TANC1: variants seen among roughly 807,000 people sequenced by gnomAD.
TANC1 encodes the protein tetratricopeptide repeat, ankyrin repeat and coiled-coil containing 1.
In TANC1, 77 loss-of-function variants were observed where a neutral mutation model predicts 149.7. That is an observed-to-expected ratio of 0.51 (90% CI 0.43 to 0.62). TANC1 has a LOEUF of 0.62. TANC1 is among the 20% of genes least tolerant of loss of function. The pLI, the probability that TANC1 is intolerant of heterozygous loss-of-function variation, is 0.00. For synonymous variants in TANC1, 854 were observed against 925.0 expected, an observed-to-expected ratio of 0.92 and a Z score of 1.39; for missense variants, 1,985 against 2,321.8, an observed-to-expected ratio of 0.85 and a Z score of 2.98.
intron 2 of TANC1, among the ~76,000 whole-genome samples, chr2:159,037,290 A>C (rs565352451): frequency 6.6e-6 from 1 of 152,060 alleles, no homozygotes; most frequent in African/African-American, 2.4e-5. Context: ...GATTGCAAAA[A>C]TTTTCTCCCA....
At chr2:159,033,863 C>T (rs2039974494) in intron 2 of TANC1, among the ~76,000 whole-genome samples, 3 of 152,216 alleles carry the variant, frequency 2.0e-5, no homozygotes, top group African/African-American at 7.2e-5. Context: ...CTCTGTTCTT[C>T]AGGCACTGTG....
At chr2:159,014,271 G>A (rs1357007019) in intron 2 of TANC1, among the ~76,000 whole-genome samples, 5 of 152,136 alleles carry the variant, frequency 3.3e-5, no homozygotes, top group African/African-American at 7.2e-5. Context: ...AGCAAGTCAC[G>A]TCTTATGTGA....
At chr2:159,020,557 G>T (rs564060091) in intron 2 of TANC1, among the ~76,000 whole-genome samples, 1 of 152,058 alleles carries the variant, frequency 6.6e-6, no homozygotes, top group South Asian at 2.1e-4. Context: ...CAGCATTTAT[G>T]ACATACTTAC....
intron 16 of TANC1, among the ~76,000 whole-genome samples, chr2:159,192,393 CCCT>C (rs1461661796): frequency 6.6e-6 from 1 of 152,106 alleles, no homozygotes; most frequent in Non-Finnish European, 1.5e-5. Context: ...AAGCAGTCCT[CCCT>C]CCTCAGCCTC....
At position 159,172,227 on chromosome 2, in the gene TANC1, A is replaced by G; in HGVS notation, c.1458A>G (p.Glu486=). ...CACCTCTTGGGTCTATCAGTGCTGA[A>G]AACCAGAGACCAAGAGAGGATGCAG... ...AKTPLGSISA[E]NQRPREDAVK... is the part of the protein sequence containing the mutation. Residue 486 remains glutamate (E), a synonymous_variant, in exon 11 of 27, where the codon GAA becomes GAG. Coordinates refer to ENST00000263635, the MANE Select transcript of TANC1 (RefSeq NM_033394.3). The G allele has an allele frequency of 1.2e-6, 2 of 1,614,208 alleles. No individual in the cohort carries two copies. Among genetic ancestry groups the G allele is most frequent in the Non-Finnish European group, 1.7e-6 (2 of 1,180,020 alleles).
intron 2 of TANC1, among the ~76,000 whole-genome samples, chr2:159,047,858 C>CACTA (rs1191653999): frequency 6.6e-6 from 1 of 152,152 alleles, no homozygotes; most frequent in African/African-American, 2.4e-5. Flanking sequence ...GACTTCACAC[C>CACTA]ACTAACATTT....
intron 2 of TANC1, among the ~76,000 whole-genome samples, chr2:159,050,933 C>A (rs1346335836): frequency 1.3e-5 from 2 of 152,120 alleles, no homozygotes; most frequent in East Asian, 3.8e-4. Flanking sequence ...AGAGAGTTGG[C>A]TTGAGAAGTT....
rs1395444100 is a variant in TANC1, at chr2:159,164,877, G to A, written c.946+1331G>A. 5.3e-5 allele frequency among the ~76,000 whole-genome samples: 8 copies of A among 152,272 alleles called. No homozygotes were observed. In the East Asian group the frequency reaches 1.5e-3, roughly 29 times the overall value. On this transcript the variant is annotated intron_variant, in intron 8 of 26. Transcript: ENST00000263635. ...GGCCTTGTTCCAGAAGAGGGATTTGGCATGTCTGCTGGAGAGAAATACTAG... is the reference window on the plus strand; with the variant it reads ...GGCCTTGTTCCAGAAGAGGGATTTGACATGTCTGCTGGAGAGAAATACTAG...
chr2:159,016,870 A>G (rs1482624401), intron 2 of TANC1, among the ~76,000 whole-genome samples: 1 of 152,102 alleles, frequency 6.6e-6, no homozygotes, highest in Non-Finnish European at 1.5e-5. Context: ...CACTGCACCC[A>G]GCCTAGCTAG....
At chr2:159,212,888 C>T (rs73004903) in intron 19 of TANC1, among the ~76,000 whole-genome samples, 13,808 of 149,890 alleles carry the variant, frequency 0.092, 818 homozygotes, top group East Asian at 0.25. Flanking sequence ...CTACTGCACT[C>T]CAGCCTGGGT....
Position 159,130,571 on chromosome 2 carries a change from C to CT in TANC1, c.260-5622dup, listed in dbSNP as rs1247478991. 2.0e-5 allele frequency among the ~76,000 whole-genome samples: 3 copies of CT among 152,276 alleles called. No individual in the cohort carries two copies. In the East Asian group the frequency reaches 5.8e-4, roughly 29 times the overall value. On this transcript the variant is annotated intron_variant, in intron 4 of 26. Transcript: ENST00000263635. The stretch of plus-strand genomic sequence containing the variant: ...TGGCGCTTGGTGACTGTGATGGCTC[C>CT]TGACTGTGTGGCCTGCAGTTGTTCT...
At chr2:159,111,678 C>T (rs1013540143) in intron 4 of TANC1, among the ~76,000 whole-genome samples, 2 of 152,156 alleles carry the variant, frequency 1.3e-5, no homozygotes, top group East Asian at 3.9e-4. Flanking sequence ...TGAGTCTGCA[C>T]CACAGTTGGC....
chr2:158,969,192 A>G (rs989475028), intron 1 of TANC1, among the ~76,000 whole-genome samples: 1 of 152,102 alleles, frequency 6.6e-6, no homozygotes, highest in Non-Finnish European at 1.5e-5. Flanking sequence ...GGGCTTGGCA[A>G]GGGCCTGGGC....
chr2:159,187,220 A>G (rs1356997861), intron 16 of TANC1, among the ~76,000 whole-genome samples, 196 bp downstream of exon 16: 1 of 152,230 alleles, frequency 6.6e-6, no homozygotes, highest in Non-Finnish European at 1.5e-5. Flanking sequence ...TTTCTTTGGC[A>G]GGAAGATGTG....
At position 159,072,191 on chromosome 2, in the gene TANC1, G is replaced by A. The variant is rs568490308; in HGVS notation, c.61+6220G>A. The stretch of plus-strand genomic sequence containing the variant: ...GAGGTGGGGTTTTGCCATGTTGGCC[G>A]GGCTGGTCTCAAAATCCTAACCTCA... On this transcript the variant is annotated intron_variant, in intron 3 of 26. Coordinates refer to ENST00000263635, the MANE Select transcript of TANC1 (RefSeq NM_033394.3). Among the ~76,000 whole-genome samples, 4 of 152,220 alleles carry A rather than the reference G, an allele frequency of 2.6e-5. No individual in the cohort carries two copies. In the East Asian group the frequency reaches 5.8e-4, roughly 22 times the overall value.
At chr2:159,012,059 G>A (rs1029993487) in intron 2 of TANC1, among the ~76,000 whole-genome samples, 1 of 152,202 alleles carries the variant, frequency 6.6e-6, no homozygotes, top group African/African-American at 2.4e-5. Context: ...CAGATGGTAA[G>A]CTAGAGGGGT....
intron 19 of TANC1, among the ~76,000 whole-genome samples, chr2:159,206,241 G>A (rs973478846): frequency 2.6e-5 from 4 of 152,176 alleles, no homozygotes; most frequent in African/African-American, 9.7e-5. Flanking sequence ...AACATGGAAG[G>A]GGTAACAGGG....
At position 159,230,948 on chromosome 2, in the gene TANC1, A is replaced by C; in HGVS notation, c.5522A>C (p.Glu1841Ala). ...AAACAGCAGCCTCATATTAGTAATGAAGCCCACAGGAGCCACCTCACTGCA... is the reference window on the plus strand; with the variant it reads ...AAACAGCAGCCTCATATTAGTAATGCAGCCCACAGGAGCCACCTCACTGCA... ...ISKQQPHISNEAHRSHLTAAK... is the reference protein window; with the variant it reads ...ISKQQPHISNAAHRSHLTAAK... The change falls in exon 27 of 27, where the codon GAA becomes GCA. Residue 1841 changes from glutamate to alanine, a missense_variant. Around this residue, in one of 3 missense-constraint regions of TANC1, gnomAD observed 920 missense variants for 994.7 expected, o/e 0.92. Coordinates refer to ENST00000263635, the MANE Select transcript of TANC1 (RefSeq NM_033394.3). This position sits in a 1 kb window ranked among gnomAD's most constrained non-coding sequence, Gnocchi z 4.4. 3 of 1,614,174 alleles carry C rather than the reference A, an allele frequency of 1.9e-6. No homozygotes were observed. Among genetic ancestry groups the C allele is most frequent in the Middle Eastern group, 3.3e-4 (2 of 6,062 alleles).
intron 2 of TANC1, among the ~76,000 whole-genome samples, chr2:159,061,553 G>T (rs771292433): frequency 1.3e-5 from 2 of 152,216 alleles, no homozygotes; most frequent in Non-Finnish European, 1.5e-5. Flanking sequence ...CTACGTGGCT[G>T]TCCATTCTTC....
Sources: allele counts gnomAD v4.1 joint callset (sites outside exome capture counted in the v4.1 genomes callset), GRCh38; gene constraint gnomAD v4.1.1; regional missense constraint gnomAD v4.1.1; non-coding constraint Gnocchi (gnomAD v3.1); transcripts MANE v1.5; gene names NCBI Gene and HGNC (gene_info 2026-07-23, HGNC 2026-07-21).